The following TP73 variants were observed in gnomAD, a reference collection of about 807,000 sequenced individuals.
The protein encoded by TP73 is tumor protein p73.
TP73 carries 25 observed loss-of-function variants against 62.5 expected under a neutral mutation model. The observed-to-expected ratio is 0.40, with a 90% CI of 0.29 to 0.56. TP73 has a LOEUF of 0.56. TP73 is among the 20% of genes least tolerant of loss of function. The probability of loss-of-function intolerance (pLI) is 0.46; values close to 1 mark genes in which losing one functional copy is unlikely to be tolerated. For synonymous variants in TP73, 423 were observed against 377.5 expected, an observed-to-expected ratio of 1.12 and a Z score of -1.40; for missense variants, 754 against 913.3, an observed-to-expected ratio of 0.83 and a Z score of 2.25.
chr1:3,731,645 G>A (rs1173795837), intron 13 of TP73, 89 bp downstream of exon 13: 11 of 1,247,678 alleles, frequency 8.8e-6, no homozygotes, highest in Admixed American at 5.8e-5. Context: ...CCTTGCTCTC[G>A]TGGCTGGGAA....
At chr1:3,723,315 C>G in intron 5 of TP73, 39 bp from the exon 6 acceptor site, 2 of 1,565,312 alleles carry the variant, frequency 1.3e-6, no homozygotes, top group Non-Finnish European at 1.8e-6. Flanking sequence ...GGGTGGGCAC[C>G]TCTATGCACC....
At chr1:3,702,751 T>TGTA (rs1397061378) in intron 3 of TP73, among the ~76,000 whole-genome samples, 1 of 152,210 alleles carries the variant, frequency 6.6e-6, no homozygotes, top group East Asian at 1.9e-4. Flanking sequence ...TGCACACACA[T>TGTA]GTAGGCACTT....
Position 3,729,990 on chromosome 1 carries a change from T to C in TP73, c.1197-10T>C, listed in dbSNP as rs1171833778. ...GCTTCCCACCCATGCGAGCCGTTGCTTCTGAGCAGGAGTCACCTACAGCCC... is the reference window on the plus strand; with the variant it reads ...GCTTCCCACCCATGCGAGCCGTTGCCTCTGAGCAGGAGTCACCTACAGCCC... On this transcript the variant is annotated splice_polypyrimidine_tract_variant and intron_variant, in intron 10 of 13. Transcript: ENST00000378295. 3.8e-6 allele frequency: 6 copies of C among 1,578,918 alleles called. No homozygotes were observed. Among genetic ancestry groups the C allele is most frequent in the Non-Finnish European group, 5.2e-6 (6 of 1,156,228 alleles).
chr1:3,711,257 C>A (rs1434300195), intron 4 of TP73, among the ~76,000 whole-genome samples: 2 of 152,248 alleles, frequency 1.3e-5, no homozygotes, highest in Non-Finnish European at 2.9e-5. Context: ...CTGATGGTGA[C>A]ACCAGTGCCC....
At chr1:3,678,530 C>T (rs573880675) in intron 1 of TP73, among the ~76,000 whole-genome samples, 9 of 152,348 alleles carry the variant, frequency 5.9e-5, no homozygotes, top group East Asian at 5.8e-4. Flanking sequence ...CCAGCGTTGG[C>T]GTTTTCCCAG....
chr1:3,697,165 C>T (rs890744462), intron 3 of TP73, among the ~76,000 whole-genome samples: 2 of 107,662 alleles, frequency 1.9e-5, no homozygotes, highest in Non-Finnish European at 4.3e-5. Flanking sequence ...ACCTCGCACC[C>T]GCGGCCCACG....
At chr1:3,655,373 C>T (rs1276999472) in intron 1 of TP73, among the ~76,000 whole-genome samples, 1 of 152,114 alleles carries the variant, frequency 6.6e-6, no homozygotes, top group Admixed American at 6.5e-5. Context: ...GGCAACAGAG[C>T]GAGACTCTGT....
chr1:3,673,748 A>T (rs528831489), intron 1 of TP73, among the ~76,000 whole-genome samples: 64 of 152,366 alleles, frequency 4.2e-4, no homozygotes, highest in African/African-American at 1.5e-3. Flanking sequence ...GGCAGGCAGC[A>T]GAGGACAAGG....
chr1:3,712,982 T>C (rs1265854130), intron 4 of TP73, among the ~76,000 whole-genome samples: 2 of 152,118 alleles, frequency 1.3e-5, no homozygotes, highest in Non-Finnish European at 2.9e-5. Context: ...CAGGTCCCTG[T>C]GACCCTCAGG....
intron 4 of TP73, among the ~76,000 whole-genome samples, chr1:3,717,640 C>T (rs564689741): frequency 6.6e-6 from 1 of 152,190 alleles, no homozygotes; most frequent in Non-Finnish European, 1.5e-5. Flanking sequence ...TTCCACAGGG[C>T]CAAGCCCAGG....
At chr1:3,661,148 A>T (rs1644979135) in intron 1 of TP73, among the ~76,000 whole-genome samples, 1 of 152,236 alleles carries the variant, frequency 6.6e-6, no homozygotes, top group Non-Finnish European at 1.5e-5. Flanking sequence ...TAACATTGGC[A>T]AAATAATCTA....
At chr1:3,698,259 G>A (rs1031810575) in intron 3 of TP73, 1 of 293,278 alleles carries the variant, frequency 3.4e-6, no homozygotes, top group South Asian at 1.3e-4. Context: ...GGTTCGGAGA[G>A]GGGAGAGAAG....
At chr1:3,712,966 G>A (rs1228480711) in intron 4 of TP73, among the ~76,000 whole-genome samples, 1 of 152,158 alleles carries the variant, frequency 6.6e-6, no homozygotes, top group African/African-American at 2.4e-5. Flanking sequence ...TCCCAGCTCT[G>A]TGGGGCAGGT....
chr1:3,723,218 G>C, intron 5 of TP73, 136 bp from the exon 6 acceptor site: 1 of 685,222 alleles, frequency 1.5e-6, no homozygotes, highest in Non-Finnish European at 2.6e-6. Flanking sequence ...ACCTGGCACG[G>C]GGCTGGGTAC....
rs374445001 is a variant in TP73, at chr1:3,666,804, C to A, written c.-34+14163C>A. ...TGCCATGCGGGCGTCTCTCCCAGGG[C>A]GGCTTTCAGACTGACCCCCAAACAG... On this transcript the variant is annotated intron_variant, in intron 1 of 13. Coordinates refer to ENST00000378295, the MANE Select transcript of TP73 (RefSeq NM_005427.4). The surrounding 1 kb of genome is among the most constrained non-coding windows in gnomAD (Gnocchi z 6.4). Among the ~76,000 whole-genome samples the A allele has an allele frequency of 2.7e-4, 41 of 152,250 alleles. No individual in the cohort carries two copies. The highest frequency in any genetic ancestry group is 8.4e-4 in the African/African-American group (35 of 41,562).
intron 6 of TP73, among the ~76,000 whole-genome samples, chr1:3,724,901 T>G (rs1283561309): frequency 1.3e-5 from 2 of 152,108 alleles, no homozygotes; most frequent in Non-Finnish European, 2.9e-5. Flanking sequence ...TGCCTGTAAT[T>G]CCAGCTACTT....
Position 3,728,139 on chromosome 1 carries a change from G to T in TP73, c.996G>T (p.Gln332His). 1 of 1,610,808 alleles carries T rather than the reference G, an allele frequency of 6.2e-7. No homozygotes were observed. ...NGAASKRAFKQSPPAVPALGA... is the reference protein window; with the variant it reads ...NGAASKRAFKHSPPAVPALGA... ...TGCCTGGCCTTCCAGCCTTCAAGCA[G>T]AGCCCCCCTGCCGTCCCCGCCCTTG... Residue 332 changes from glutamine to histidine, a missense_variant, in exon 9 of 14, where the codon CAG becomes CAT. By Grantham distance (24) the Gln-to-His change is conservative (BLOSUM62 0). Around this residue, in one of 3 missense-constraint regions of TP73, gnomAD observed 458 missense variants for 528.7 expected, o/e 0.87. Transcript: ENST00000378295.
rs1188556445 is a variant in TP73, at chr1:3,699,073, G to GTGAGAGCAGAGGGTGCTGTGGA, written c.187-8455_187-8434dup. ...TGGGTGAGAGCACAGGGTGCTGTGG[G>GTGAGAGCAGAGGGTGCTGTGGA]TGAGAGCAGAGGGTGCTGTGGATGA... On this transcript the variant is annotated intron_variant, in intron 3 of 13. Coordinates refer to ENST00000378295, the MANE Select transcript of TP73 (RefSeq NM_005427.4). This position sits in a 1 kb window ranked among gnomAD's most constrained non-coding sequence, Gnocchi z 4.1. Among the ~76,000 whole-genome samples the GTGAGAGCAGAGGGTGCTGTGGA allele has an allele frequency of 6.6e-6, 1 of 151,526 alleles. No homozygotes were observed. The highest frequency in any genetic ancestry group is 1.5e-5 in the Non-Finnish European group (1 of 67,978).
At chr1:3,661,384 G>A (rs191709531) in intron 1 of TP73, among the ~76,000 whole-genome samples, 24 of 152,260 alleles carry the variant, frequency 1.6e-4, no homozygotes, top group African/African-American at 5.5e-4. Flanking sequence ...AATATTCAAA[G>A]AGAAATGCAG....
Sources: gnomAD v4.1 joint callset for allele counts (sites outside exome capture counted in the v4.1 genomes callset) on GRCh38, gnomAD v4.1.1 for gene constraint, gnomAD v4.1.1 regional missense constraint, Gnocchi (gnomAD v3.1) non-coding constraint, MANE v1.5 for transcripts, NCBI Gene and HGNC (gene_info 2026-07-23, HGNC 2026-07-21) for gene names.